Variants in ALDOA observed in about 807,000 individuals in gnomAD.
ALDOA encodes the protein fructose-bisphosphate aldolase A.
A neutral mutation model predicts 43.9 loss-of-function variants in ALDOA; 26 were observed. The observed-to-expected ratio is 0.59, with a 90% CI of 0.43 to 0.82. The LOEUF (loss-of-function observed/expected upper bound fraction) is 0.82, where lower values mean the gene tolerates loss of function less well. Ranked by LOEUF, ALDOA falls within the 40% of genes least tolerant of loss-of-function variation. ALDOA has a pLI of 0.00. For missense variants in ALDOA, 498 were observed against 549.5 expected (o/e 0.91, Z 0.94); for synonymous variants, 258 against 222.6 (o/e 1.16, Z -1.42).
upstream of ALDOA, chr16:30,064,393 C>A (rs906105437): frequency 5.0e-6 from 2 of 398,628 alleles, no homozygotes; most frequent in African/African-American, 4.1e-5. Flanking sequence ...GCCACGTGAT[C>A]CGAGTCCCCT....
chr16:30,068,426 T>G, intron 4 of ALDOA: 1 of 627,346 alleles, frequency 1.6e-6, no homozygotes, highest in Non-Finnish European at 2.9e-6. Flanking sequence ...AGATGCAGTT[T>G]AAGGGATTAA....
chr16:30,068,062 A>ATTTTTT, intron 4 of ALDOA: 2 of 176,504 alleles, frequency 1.1e-5, no homozygotes, highest in Non-Finnish European at 2.3e-5. Flanking sequence ...TTTTAAGTAA[A>ATTTTTT]TTTTTTTTTT....
Position 30,067,316 on chromosome 16 carries a change from A to G in ALDOA, c.224A>G (p.His75Arg), listed in dbSNP as rs1229275334. 1.9e-6 allele frequency: 3 copies of G among 1,613,254 alleles called. No homozygotes were observed. The South Asian group carries it at 3.3e-5, about 18-fold the overall frequency. Reference protein sequence around the residue: ...EQKKELSDIAHRIVAPGKGIL... With the variant: ...EQKKELSDIARRIVAPGKGIL... ...AAGAAGGAGCTGTCTGACATCGCTC[A>G]CCGCATCGTGGCACCTGGCAAGGGC... The change falls in exon 3 of 10, where the codon CAC becomes CGC. Residue 75 changes from histidine to arginine, a missense_variant. His to Arg is a conservative substitution (Grantham distance 29, BLOSUM62 0). Coordinates refer to ENST00000642816, the MANE Select transcript of ALDOA (RefSeq NM_001243177.4).
At chr16:30,069,454 C>T (rs986721970) in intron 7 of ALDOA, 45 bp from the exon 8 acceptor site, 20 of 1,614,018 alleles carry the variant, frequency 1.2e-5, no homozygotes, top group Middle Eastern at 1.7e-4. Context: ...TAACCCCTAT[C>T]CTCTCCTCCA....
Position 30,067,012 on chromosome 16 carries a change from ACC to A in ALDOA, c.117_118del (p.Gln40AlafsTer32). The stretch of plus-strand genomic sequence containing the variant: ...GCAACTCCACCCTCAGCTGGGCAAC[ACC>A]CAGCACCAGACAGAGTTAGGAAAGG... ...SGQLHPQLGN[T>X]QHQTELGKEL... is the part of the protein sequence containing the mutation. On this transcript the variant is annotated frameshift_variant, in exon 2 of 10. Transcript: ENST00000642816. LOFTEE classifies it high-confidence loss of function. 1.3e-6 allele frequency: 2 copies of A among 1,571,626 alleles called. No homozygotes were observed. Among genetic ancestry groups the A allele is most frequent in the South Asian group, 2.3e-5 (2 of 85,562 alleles).
Position 30,067,338 on chromosome 16 carries a change from G to A in ALDOA, c.246G>A (p.Lys82=). ...DIAHRIVAPG[K]GILAADESTG... ...CTCACCGCATCGTGGCACCTGGCAA[G>A]GGCATCCTGGCTGCAGATGAGTCCA... is the stretch of plus-strand genomic sequence containing the variant. Residue 82 remains lysine (K), a synonymous_variant, in exon 3 of 10, where the codon AAG becomes AAA. Coordinates refer to ENST00000642816, the MANE Select transcript of ALDOA (RefSeq NM_001243177.4). 6.2e-7 allele frequency: 1 copy of A among 1,613,902 alleles called. No homozygotes were observed. The highest frequency in any genetic ancestry group is 2.2e-5 in the East Asian group (1 of 44,890).
rs761836264 is a variant in ALDOA at position 30,070,019 on chromosome 16, A to T, written c.1151A>T (p.Lys384Met). Reference sequence around the variant, plus strand: ...AAGGCTGCGCAGGAGGAGTATGTCAAGCGAGCCCTGGTAAGGATAGGCAGG... The same window carrying T: ...AAGGCTGCGCAGGAGGAGTATGTCATGCGAGCCCTGGTAAGGATAGGCAGG... ...NLKAAQEEYVKRALANSLACQ... is the reference protein window; with the variant it reads ...NLKAAQEEYVMRALANSLACQ... Residue 384 changes from lysine (K) to methionine (M), a missense_variant, in exon 9 of 10, where the codon AAG (lysine) becomes ATG (methionine). By Grantham distance (95) the Lys-to-Met change is moderately conservative. Transcript: ENST00000642816. 1.2e-6 allele frequency: 2 copies of T among 1,613,658 alleles called. No homozygotes were observed. Among genetic ancestry groups the T allele is most frequent in the East Asian group, 2.2e-5 (1 of 44,880 alleles).
At chr16:30,068,729 G>A (rs201346640) in intron 5 of ALDOA, 29 bp downstream of exon 5, 156 of 1,614,204 alleles carry the variant, frequency 9.7e-5, no homozygotes, top group Non-Finnish European at 1.2e-4. Context: ...TCTGCCCTAC[G>A]AACCCAACCA....
intron 4 of ALDOA, chr16:30,068,367 GTAAC>G: frequency 2.2e-6 from 1 of 454,264 alleles, no homozygotes; most frequent in Non-Finnish European, 4.1e-6. Flanking sequence ...CCCGGCTTAA[GTAAC>G]TAAATATTTT....
chr16:30,065,902 G>A lies in ALDOA; in HGVS notation c.-39G>A. 1 of 153,542 alleles carries A rather than the reference G, an allele frequency of 6.5e-6. No homozygotes were observed. Among genetic ancestry groups the A allele is most frequent in the Non-Finnish European group, 1.5e-5 (1 of 68,662 alleles). 9.5% of individuals were successfully genotyped at this position (153,542 alleles called of 1,614,324 possible). A position where few individuals can be genotyped will look rare whatever the true frequency, so the allele number is the denominator to read the frequency against. ...CCGCCGCCCTCTGCCGCCGCACCCT[G>A]CACACCCGCCCCTCTCCTGTGCCAG... On this transcript the variant is annotated 5_prime_UTR_variant, in exon 1 of 10. Transcript: ENST00000642816.
At position 30,070,204 on chromosome 16, in the gene ALDOA, G is replaced by T; in HGVS notation, c.1249G>T (p.Ala417Ser). 1 of 1,614,070 alleles carries T rather than the reference G, an allele frequency of 6.2e-7. No individual in the cohort carries two copies. The highest frequency in any genetic ancestry group is 2.2e-5 in the East Asian group (1 of 44,876). Residue 417 changes from alanine to serine, a missense_variant, in exon 10 of 10, where the codon GCC (alanine) becomes TCC (serine). Coordinates refer to ENST00000642816, the MANE Select transcript of ALDOA (RefSeq NM_001243177.4). Reference protein sequence around the residue: ...ASESLFVSNHAY With the variant: ...ASESLFVSNHSY ...CGAGTCCCTCTTCGTCTCTAACCAC[G>T]CCTATTAAGCGGAGGTGTTCCCAGG...
At chr16:30,066,274 G>A (rs2072100553) in intron 1 of ALDOA, 1 of 152,538 alleles carries the variant, frequency 6.6e-6, no homozygotes, top group African/African-American at 2.4e-5. Flanking sequence ...CAGCCCCAGG[G>A]TTCTCGCAAG....
Position 30,067,648 on chromosome 16 carries a change from T to C in ALDOA, c.473T>C (p.Val158Ala). The change falls in exon 4 of 10, where the codon GTT becomes GCT. Residue 158 changes from valine to alanine, a missense_variant. By Grantham distance (64) the Val-to-Ala change is moderately conservative. Coordinates refer to ENST00000642816, the MANE Select transcript of ALDOA (RefSeq NM_001243177.4). ...CAAGTTATCAAATCCAAGGGCGGTG[T>C]TGTGGGCATCAAGGTAAGGGGAGGG... ...FPQVIKSKGGVVGIKVDKGVV... is the reference protein window; with the variant it reads ...FPQVIKSKGGAVGIKVDKGVV... 2.5e-6 allele frequency: 4 copies of C among 1,614,024 alleles called. No individual in the cohort carries two copies. The highest frequency in any genetic ancestry group is 1.3e-5 in the African/African-American group (1 of 74,964).
intron 4 of ALDOA, 162 bp from the exon 5 acceptor site, chr16:30,068,484 G>A (rs991134418): frequency 9.0e-6 from 7 of 777,830 alleles, no homozygotes; most frequent in Middle Eastern, 3.4e-4. Flanking sequence ...AGAGGGGCAC[G>A]CCCAGCTACC....
chr16:30,067,060 A>C lies in ALDOA; in HGVS notation c.141+22A>C, dbSNP rs903764420. 2.5e-6 allele frequency: 4 copies of C among 1,575,512 alleles called. No individual in the cohort carries two copies. The African/African-American group carries it at 5.4e-5, about 21-fold the overall frequency. On this transcript the variant is annotated intron_variant, in intron 2 of 9. Coordinates refer to ENST00000642816, the MANE Select transcript of ALDOA (RefSeq NM_001243177.4). The stretch of plus-strand genomic sequence containing the variant: ...AAAGGTACAGGGGCAGGCCTAGCAA[A>C]GGGAAGTTGGGCGTAAGAGAGAGCT...
At position 30,068,708 on chromosome 16, in the gene ALDOA, C is replaced by T. The variant is rs950605723; in HGVS notation, c.541+8C>T. 8 of 1,614,116 alleles carry T rather than the reference C, an allele frequency of 5.0e-6. No homozygotes were observed. The highest frequency in any genetic ancestry group is 6.8e-6 in the Non-Finnish European group (8 of 1,180,048). ...GCGAGACTACCACCCAAGGTGAGAA[C>T]TGTTTGATTCTCTGCCCTACGAACC... On this transcript the variant is annotated splice_region_variant and intron_variant, in intron 5 of 9. Transcript: ENST00000642816.
In ALDOA at chr16:30,070,154, G is replaced by A. The variant is rs1395945999; in HGVS notation, c.1199G>A (p.Ser400Asn). ...GCCTGTCAAGGAAAGTACACTCCGAGCGGTCAGGCTGGGGCTGCTGCCAGC... is the reference window on the plus strand; with the variant it reads ...GCCTGTCAAGGAAAGTACACTCCGAACGGTCAGGCTGGGGCTGCTGCCAGC... ...SLACQGKYTPSGQAGAAASES... is the reference protein window; with the variant it reads ...SLACQGKYTPNGQAGAAASES... Residue 400 changes from serine to asparagine, a missense_variant, in exon 10 of 10, where the codon AGC becomes AAC. Ser to Asn is a conservative substitution (Grantham distance 46). Coordinates refer to ENST00000642816, the MANE Select transcript of ALDOA (RefSeq NM_001243177.4). 1 of 1,614,016 alleles carries A rather than the reference G, an allele frequency of 6.2e-7. No individual in the cohort carries two copies. Among genetic ancestry groups the A allele is most frequent in the Non-Finnish European group, 8.5e-7 (1 of 1,180,036 alleles).
chr16:30,068,165 C>T lies in ALDOA; in HGVS notation c.487-481C>T, dbSNP rs138548394. On this transcript the variant is annotated intron_variant, in intron 4 of 9. Coordinates refer to ENST00000642816, the MANE Select transcript of ALDOA (RefSeq NM_001243177.4). ...CTGCAAGTTCCGCCTCCCAGGTTCA[C>T]GCCATTCTCCTGCCTCAGCCTCCCG... The T allele has an allele frequency of 9.4e-3, 2,619 of 278,038 alleles. 71 individuals carry two copies. Among genetic ancestry groups the T allele is most frequent in the African/African-American group, 0.055 (2,439 of 44,378 alleles). The allele number at this position is 278,038 out of a possible 1,614,324, so 17.2% of individuals were successfully genotyped here.
At position 30,065,790 on chromosome 16, in the gene ALDOA, T is replaced by C. The variant is rs370167694; in HGVS notation, c.-151T>C. 2.6e-5 allele frequency: 4 copies of C among 152,706 alleles called. No individual in the cohort carries two copies. Among genetic ancestry groups the C allele is most frequent in the Non-Finnish European group, 4.4e-5 (3 of 68,088 alleles). The allele number at this position is 152,706 out of a possible 1,614,324, so 9.5% of individuals were successfully genotyped here. A position where few individuals can be genotyped will look rare whatever the true frequency, so the allele number is the denominator to read the frequency against. On this transcript the variant is annotated 5_prime_UTR_variant, in exon 1 of 10. Coordinates refer to ENST00000642816, the MANE Select transcript of ALDOA (RefSeq NM_001243177.4). The stretch of plus-strand genomic sequence containing the variant: ...CCTCCTGCGCCGCCCCTTCCGAGGC[T>C]AAATCGGCTGCGTTCCTCTCGGAAC...
Sources: gnomAD v4.1 joint callset for allele counts on GRCh38, gnomAD v4.1.1 for gene constraint, MANE v1.5 for transcripts, NCBI Gene and HGNC (gene_info 2026-07-23, HGNC 2026-07-21) for gene names.